The following PCSK6 variants were observed in gnomAD, a reference collection of about 807,000 sequenced individuals.
PCSK6 encodes proprotein convertase subtilisin/kexin type 6, also known as paired basic amino acid cleaving enzyme 4.
Under a neutral mutation model 123.3 loss-of-function variants are expected in PCSK6, and 85 were observed. That is an observed-to-expected ratio of 0.69 (90% CI 0.58 to 0.83). The LOEUF (loss-of-function observed/expected upper bound fraction) is 0.83, where lower values mean the gene tolerates loss of function less well. Ranked by LOEUF, PCSK6 falls within the 40% of genes least tolerant of loss-of-function variation. The pLI, the probability that PCSK6 is intolerant of heterozygous loss-of-function variation, is 0.00. For synonymous variants in PCSK6, 508 were observed against 516.0 expected, an observed-to-expected ratio of 0.98 and a Z score of 0.21; for missense variants, 1,191 against 1,282.3, an observed-to-expected ratio of 0.93 and a Z score of 1.09.
chr15:101,441,387 G>A (rs959765786), intron 2 of PCSK6, among the ~76,000 whole-genome samples: 1 of 152,008 alleles, frequency 6.6e-6, no homozygotes, highest in African/African-American at 2.4e-5. Context: ...TGCTGCCTCA[G>A]CCTGCCTTGC....
chr15:101,417,161 G>C (rs1231721222), intron 6 of PCSK6, among the ~76,000 whole-genome samples: 1 of 152,190 alleles, frequency 6.6e-6, no homozygotes, highest in African/African-American at 2.4e-5. Context: ...GGGTTTATCA[G>C]GGGTTTCTGC....
intron 15 of PCSK6, among the ~76,000 whole-genome samples, chr15:101,328,893 C>T (rs1212550143): frequency 2.0e-5 from 3 of 152,238 alleles, no homozygotes; most frequent in African/African-American, 7.2e-5. Flanking sequence ...ATTAAATCCA[C>T]CTTGCTGTCC....
intron 11 of PCSK6, 141 bp from the exon 12 acceptor site, chr15:101,370,664 T>C (rs1382749698): frequency 1.6e-6 from 1 of 636,036 alleles, no homozygotes; most frequent in African/African-American, 1.9e-5. Flanking sequence ...CAGCAGCCTC[T>C]GACTGCCTCA....
rs192729276 is a variant in PCSK6 at position 101,320,095 on chromosome 15, T to C, written c.2466-1673A>G. On this transcript the variant is annotated intron_variant, in intron 18 of 21. Coordinates refer to ENST00000611716, the MANE Select transcript of PCSK6 (RefSeq NM_002570.5). ...GAGCTATTTATTTATTTATTATTTA[T>C]TTATTTTTGAGACAGGATCTCATTC... is the stretch of plus-strand genomic sequence containing the variant. Among the ~76,000 whole-genome samples, 210 of 152,204 alleles carry C rather than the reference T, an allele frequency of 1.4e-3. 1 individual carries two copies. The highest frequency in any genetic ancestry group is 1.2e-3 in the Non-Finnish European group (79 of 68,020).
At position 101,360,911 on chromosome 15, in the gene PCSK6, A is replaced by C. The variant is rs574832866; in HGVS notation, c.1858+5285T>G. Among the ~76,000 whole-genome samples the C allele has an allele frequency of 6.6e-5, 10 of 152,328 alleles. No individual in the cohort carries two copies. The East Asian group carries it at 1.4e-3, about 21-fold the overall frequency. On this transcript the variant is annotated intron_variant, in intron 13 of 21. Coordinates refer to ENST00000611716, the MANE Select transcript of PCSK6 (RefSeq NM_002570.5). ...CTTAGAGCTTCTCATCATCTAATGG[A>C]CAACAGCTTCCTGCCTGGTAATCTT...
chr15:101,397,135 G>A (rs1000859250), intron 7 of PCSK6, among the ~76,000 whole-genome samples: 6 of 152,100 alleles, frequency 3.9e-5, no homozygotes, highest in Non-Finnish European at 7.4e-5. Flanking sequence ...CCAGGGTTTC[G>A]GCAGGGCAGC....
At chr15:101,452,038 C>A (rs953553359) in intron 1 of PCSK6, among the ~76,000 whole-genome samples, 9 of 152,316 alleles carry the variant, frequency 5.9e-5, no homozygotes, top group African/African-American at 1.9e-4. Context: ...ATACACATAG[C>A]AACATTCTGT....
At chr15:101,314,929 C>G (rs2039953765) in intron 19 of PCSK6, among the ~76,000 whole-genome samples, 1 of 152,202 alleles carries the variant, frequency 6.6e-6, no homozygotes, top group Non-Finnish European at 1.5e-5. Context: ...TCACTGGTCT[C>G]TGGGAGCATC....
chr15:101,456,386 T>A (rs2057180885), intron 1 of PCSK6, among the ~76,000 whole-genome samples: 1 of 152,204 alleles, frequency 6.6e-6, no homozygotes, highest in African/African-American at 2.4e-5. Context: ...TCCTTCCTCT[T>A]CTGTCTGGAA....
intron 1 of PCSK6, among the ~76,000 whole-genome samples, chr15:101,472,854 C>G (rs2057639232): frequency 6.6e-6 from 1 of 152,178 alleles, no homozygotes; most frequent in Admixed American, 6.5e-5. Context: ...ACATCCAGGG[C>G]TCTTTATGAG....
intron 15 of PCSK6, among the ~76,000 whole-genome samples, chr15:101,329,049 C>T (rs889489335): frequency 2.0e-5 from 3 of 152,196 alleles, no homozygotes; most frequent in Admixed American, 6.5e-5. Context: ...CTCCAAGCCC[C>T]ACTGCCTTCT....
At chr15:101,364,274 A>G (rs2041324724) in intron 13 of PCSK6, among the ~76,000 whole-genome samples, 1 of 152,218 alleles carries the variant, frequency 6.6e-6, no homozygotes, top group Non-Finnish European at 1.5e-5. Flanking sequence ...TCGCCCATAG[A>G]AAAGCAAGAT....
intron 2 of PCSK6, among the ~76,000 whole-genome samples, chr15:101,442,520 C>T (rs1383257766): frequency 2.0e-5 from 3 of 152,138 alleles, no homozygotes; most frequent in African/African-American, 7.2e-5. Context: ...ACGCGTCTCT[C>T]CAACAGATCC....
At chr15:101,421,225 C>G (rs2056075503) in intron 6 of PCSK6, among the ~76,000 whole-genome samples, 1 of 152,196 alleles carries the variant, frequency 6.6e-6, no homozygotes, top group African/African-American at 2.4e-5. Flanking sequence ...GGATTACAGG[C>G]ATGAGCCACC....
intron 1 of PCSK6, among the ~76,000 whole-genome samples, chr15:101,455,070 C>T (rs886124462): frequency 3.3e-5 from 5 of 152,158 alleles, no homozygotes; most frequent in African/African-American, 4.8e-5. Flanking sequence ...TGCATAACAA[C>T]GTGAAAATAC....
At chr15:101,477,057 C>T (rs933124732) in intron 1 of PCSK6, among the ~76,000 whole-genome samples, 1 of 152,132 alleles carries the variant, frequency 6.6e-6, no homozygotes, top group Admixed American at 6.5e-5. Context: ...CACCTCCCCA[C>T]GCAGTGATAA....
intron 2 of PCSK6, among the ~76,000 whole-genome samples, chr15:101,443,271 A>G (rs2056802315): frequency 6.6e-6 from 1 of 152,234 alleles, no homozygotes; most frequent in Non-Finnish European, 1.5e-5. Context: ...TTTCATTATT[A>G]AAATACTTGC....
intron 1 of PCSK6, among the ~76,000 whole-genome samples, chr15:101,484,382 C>CTTGTTT (rs1298060579): frequency 2.0e-5 from 3 of 152,148 alleles, no homozygotes; most frequent in South Asian, 2.1e-4. Context: ...TTTGTTTTTG[C>CTTGTTT]TTGTTTTTGT....
At chr15:101,370,556 C>T (rs1463304083) in intron 11 of PCSK6, 33 bp from the exon 12 acceptor site, 4 of 1,404,712 alleles carry the variant, frequency 2.8e-6, no homozygotes, top group Non-Finnish European at 2.8e-6. Flanking sequence ...GCACTTGGCA[C>T]CGGAAGCATG....
Sources: gnomAD v4.1 joint callset for allele counts (sites outside exome capture counted in the v4.1 genomes callset) on GRCh38, gnomAD v4.1.1 for gene constraint, MANE v1.5 for transcripts, NCBI Gene and HGNC (gene_info 2026-07-23, HGNC 2026-07-21) for gene names.